TMPRSS11D: variants seen among roughly 807,000 people sequenced by gnomAD.
The protein encoded by TMPRSS11D is transmembrane protease serine 11D.
Under a neutral mutation model 44.4 loss-of-function variants are expected in TMPRSS11D, and 32 were observed. The ratio of observed to expected loss-of-function variants is 0.72; its 90% CI spans 0.54 to 0.97. TMPRSS11D has a LOEUF of 0.97. Ranked by LOEUF, TMPRSS11D falls within the 50% of genes least tolerant of loss-of-function variation. The pLI is 0.00. For synonymous variants in TMPRSS11D, 179 were observed against 177.9 expected, an observed-to-expected ratio of 1.01 and a Z score of -0.05; for missense variants, 446 against 502.6, an observed-to-expected ratio of 0.89 and a Z score of 1.08.
At chr4:67,823,589 C>A (rs1285520037) in intron 9 of TMPRSS11D, among the ~76,000 whole-genome samples, 1 of 152,092 alleles carries the variant, frequency 6.6e-6, no homozygotes, top group Non-Finnish European at 1.5e-5. Flanking sequence ...TAAAAGTCAG[C>A]TATTATTACC....
At chr4:67,854,802 G>C (rs1718594006) in intron 2 of TMPRSS11D, among the ~76,000 whole-genome samples, 1 of 152,138 alleles carries the variant, frequency 6.6e-6, no homozygotes, top group Admixed American at 6.5e-5. Flanking sequence ...TAAATGTCCA[G>C]GACCAATGGC....
At chr4:67,843,217 A>G (rs760615872) in intron 3 of TMPRSS11D, among the ~76,000 whole-genome samples, 1 of 148,214 alleles carries the variant, frequency 6.7e-6, no homozygotes, top group South Asian at 2.1e-4. Context: ...GAGTCTCACT[A>G]TGTTGTCCAG....
intron 1 of TMPRSS11D, among the ~76,000 whole-genome samples, chr4:67,863,346 A>G (rs543632842): frequency 2.0e-5 from 3 of 149,816 alleles, no homozygotes; most frequent in South Asian, 2.1e-4. Flanking sequence ...AAAAAAAAAA[A>G]GAAAAGAAAA....
intron 1 of TMPRSS11D, among the ~76,000 whole-genome samples, chr4:67,861,803 A>C (rs1718796954): frequency 6.6e-6 from 1 of 152,134 alleles, no homozygotes. Flanking sequence ...ACAAGCCATA[A>C]CTAATTACAT....
chr4:67,851,374 G>A (rs1048520302), intron 3 of TMPRSS11D, among the ~76,000 whole-genome samples: 2 of 151,942 alleles, frequency 1.3e-5, no homozygotes, highest in Non-Finnish European at 2.9e-5. Context: ...TCCCAATTTC[G>A]GACTGCACTC....
intron 1 of TMPRSS11D, among the ~76,000 whole-genome samples, chr4:67,872,357 T>A (rs1396588364): frequency 1.3e-5 from 2 of 152,146 alleles, no homozygotes; most frequent in South Asian, 4.1e-4. Context: ...CTAACCTTTA[T>A]TGGCACAAAA....
intron 1 of TMPRSS11D, among the ~76,000 whole-genome samples, chr4:67,862,561 T>C (rs1718815172): frequency 6.6e-6 from 1 of 152,130 alleles, no homozygotes; most frequent in African/African-American, 2.4e-5. Flanking sequence ...CTGCACATCA[T>C]CATTTCCAAT....
Position 67,825,791 on chromosome 4 carries a change from C to T in TMPRSS11D, c.1036G>A (p.Ala346Thr), listed in dbSNP as rs1717777082. The change falls in exon 9 of 10, where the codon GCC becomes ACC. Residue 346 changes from alanine (A) to threonine (T), a missense_variant. Transcript: ENST00000283916. ...VCNAPHSYNG[A>T]ILSGMLCAGV... ...GCACACAGCATTCCAGACAAGATGG[C>T]TCCATTATAACTATGTGGTGCATTA... The T allele has an allele frequency of 6.2e-7, 1 of 1,613,098 alleles. No individual in the cohort carries two copies.
chr4:67,841,847 T>C (rs1718238550), intron 4 of TMPRSS11D, among the ~76,000 whole-genome samples: 1 of 152,190 alleles, frequency 6.6e-6, no homozygotes, highest in African/African-American at 2.4e-5. Context: ...GAACAAGAAT[T>C]AATTTTCTTG....
chr4:67,877,251 C>G (rs979824900), intron 1 of TMPRSS11D, among the ~76,000 whole-genome samples: 2 of 152,132 alleles, frequency 1.3e-5, no homozygotes, highest in African/African-American at 4.8e-5. Context: ...TCTCCTTTCT[C>G]TAGTTGATCT....
At chr4:67,876,825 G>C (rs1719201759) in intron 1 of TMPRSS11D, among the ~76,000 whole-genome samples, 1 of 152,122 alleles carries the variant, frequency 6.6e-6, no homozygotes, top group Non-Finnish European at 1.5e-5. Flanking sequence ...CAAGCACTTA[G>C]GACATTTTTT....
Position 67,822,237 on chromosome 4 carries a change from A to T in TMPRSS11D, c.*100T>A. 7.8e-7 allele frequency: 1 copy of T among 1,277,676 alleles called. No individual in the cohort carries two copies. The highest frequency in any genetic ancestry group is 1.1e-6 in the Non-Finnish European group (1 of 909,858). 79.1% of individuals were successfully genotyped at this position (1,277,676 alleles called of 1,614,324 possible). A position where few individuals can be genotyped will look rare whatever the true frequency, so the allele number is the denominator to read the frequency against. On this transcript the variant is annotated 3_prime_UTR_variant, in exon 10 of 10. Transcript: ENST00000283916. The stretch of plus-strand genomic sequence containing the variant: ...TATTTATGTAACAAGATGTTAAATT[A>T]GGACATTTCTAGTTTCTTTTTCAGT...
intron 3 of TMPRSS11D, among the ~76,000 whole-genome samples, chr4:67,843,031 C>A (rs1718267474): frequency 6.6e-6 from 1 of 150,892 alleles, no homozygotes; most frequent in African/African-American, 2.4e-5. Flanking sequence ...ATGGATGAAA[C>A]CTGATTAAAC....
intron 1 of TMPRSS11D, among the ~76,000 whole-genome samples, chr4:67,868,529 G>A (rs1344037477): frequency 6.6e-6 from 1 of 152,190 alleles, no homozygotes; most frequent in Admixed American, 6.5e-5. Flanking sequence ...CTTGAAAGAC[G>A]GGTAGGCCCT....
intron 1 of TMPRSS11D, among the ~76,000 whole-genome samples, chr4:67,874,646 A>G (rs1035384598): frequency 1.3e-5 from 2 of 152,208 alleles, no homozygotes; most frequent in Non-Finnish European, 2.9e-5. Context: ...AAAGAAATAT[A>G]TCATTAAATG....
chr4:67,874,229 A>C (rs1030302485), intron 1 of TMPRSS11D, among the ~76,000 whole-genome samples: 2 of 152,198 alleles, frequency 1.3e-5, no homozygotes, highest in African/African-American at 4.8e-5. Context: ...TGATGTCTGC[A>C]TAAGGACAAA....
At chr4:67,843,674 A>C (rs1718288747) in intron 3 of TMPRSS11D, among the ~76,000 whole-genome samples, 1 of 152,242 alleles carries the variant, frequency 6.6e-6, no homozygotes, top group Non-Finnish European at 1.5e-5. Flanking sequence ...CTGTAATCCC[A>C]GCACTTTGGG....
At chr4:67,837,481 C>T (rs1171486834) in intron 5 of TMPRSS11D, among the ~76,000 whole-genome samples, 1 of 152,142 alleles carries the variant, frequency 6.6e-6, no homozygotes, top group Non-Finnish European at 1.5e-5. Flanking sequence ...CTGGTACCTA[C>T]CAGTCTAGTA....
intron 7 of TMPRSS11D, 88 bp from the exon 8 acceptor site, chr4:67,827,608 A>G (rs1323031594): frequency 2.9e-6 from 4 of 1,363,160 alleles, no homozygotes; most frequent in South Asian, 3.1e-5. Flanking sequence ...CTGTACCACT[A>G]TCTAGAAACT....
Sources: allele counts gnomAD v4.1 joint callset (sites outside exome capture counted in the v4.1 genomes callset), GRCh38; gene constraint gnomAD v4.1.1; transcripts MANE v1.5; gene names NCBI Gene and HGNC (gene_info 2026-07-23, HGNC 2026-07-21).